Variants in KIFC3 observed in about 807,000 individuals in gnomAD.
KIFC3 encodes the protein kinesin-like protein KIFC3.
Under a neutral mutation model 101.8 loss-of-function variants are expected in KIFC3, and 60 were observed. The ratio of observed to expected loss-of-function variants is 0.59; its 90% confidence interval spans 0.48 to 0.73. KIFC3 has a LOEUF of 0.73. Ranked by LOEUF, KIFC3 falls within the 30% of genes least tolerant of loss-of-function variation. The pLI, the probability that KIFC3 is intolerant of heterozygous loss-of-function variation, is 0.00. For synonymous variants in KIFC3, 476 were observed against 482.7 expected (o/e 0.99, Z 0.18); for missense variants, 966 against 1,137.1 (o/e 0.85, Z 2.16).
At chr16:57,817,978 A>G (rs2055267059) in intron 1 of KIFC3, among the ~76,000 whole-genome samples, 1 of 151,700 alleles carries the variant, frequency 6.6e-6, no homozygotes, top group South Asian at 2.1e-4. Flanking sequence ...ATCACTTACA[A>G]AGCTTCTCCT....
intron 1 of KIFC3, among the ~76,000 whole-genome samples, chr16:57,833,887 G>C: frequency 2.4e-5 from 1 of 42,236 alleles, no homozygotes; most frequent in East Asian, 8.1e-4. Flanking sequence ...TTTTTTTTTT[G>C]AGTCTGAGTC....
intron 1 of KIFC3, among the ~76,000 whole-genome samples, chr16:57,861,856 C>T (rs773774945): frequency 1.3e-5 from 2 of 151,966 alleles, no homozygotes; most frequent in Non-Finnish European, 2.9e-5. Flanking sequence ...GGCTGTGGCA[C>T]GAGAATCACT....
intron 1 of KIFC3, among the ~76,000 whole-genome samples, chr16:57,839,456 C>T (rs534910089): frequency 6.6e-6 from 1 of 152,222 alleles, no homozygotes; most frequent in Non-Finnish European, 1.5e-5. Flanking sequence ...GGGAGGATCA[C>T]TTGGGATTGG....
At chr16:57,786,976 AGAGCTGGAGCTGGGCATCCCCG>A (rs1205487355) in intron 3 of KIFC3, among the ~76,000 whole-genome samples, 1 of 152,226 alleles carries the variant, frequency 6.6e-6, no homozygotes, top group Non-Finnish European at 1.5e-5. Flanking sequence ...AGCACTCCAG[AGAGCTGGAGCTGGGCATCCCCG>A]GTTGGGTGGT....
At position 57,847,247 on chromosome 16, in the gene KIFC3, GAAGGAAGGAAGGAAGGAAGGA is replaced by G. The variant is rs1314741632; in HGVS notation, c.108+15461_108+15481del. Among the ~76,000 whole-genome samples, 83 of 104,406 alleles carry G rather than the reference GAAGGAAGGAAGGAAGGAAGGA, an allele frequency of 7.9e-4. 1 individual carries two copies. Among genetic ancestry groups the G allele is most frequent in the Middle Eastern group, 4.1e-3 (1 of 242 alleles). 68.5% of individuals were successfully genotyped at this position (104,406 alleles called of 152,430 possible). On this transcript the variant is annotated intron_variant, in intron 1 of 2. Coordinates refer to the KIFC3 transcript ENST00000563028. ...GGAAGGAAGGAAGGAAGGAAGGAAG[GAAGGAAGGAAGGAAGGAAGGA>G]AGGGAAGGGAGGGAGGGAGAGAGGG...
At chr16:57,820,594 G>A (rs1280451588) in intron 1 of KIFC3, among the ~76,000 whole-genome samples, 1 of 152,178 alleles carries the variant, frequency 6.6e-6, no homozygotes, top group Non-Finnish European at 1.5e-5. Flanking sequence ...TGATCTTAGA[G>A]TTGATGGCTC....
chr16:57,764,037 C>T (rs58535973), intron 12 of KIFC3, 106 bp downstream of exon 12: 84,856 of 813,230 alleles, frequency 0.1, 5,243 homozygotes, highest in African/African-American at 0.21. Flanking sequence ...GTTGTGAGGA[C>T]CAAATGAGGC....
intron 1 of KIFC3, among the ~76,000 whole-genome samples, chr16:57,841,653 C>G (rs981194865): frequency 6.6e-6 from 1 of 151,956 alleles, no homozygotes; most frequent in Non-Finnish European, 1.5e-5. Flanking sequence ...GGGGACAGAG[C>G]GAGACTGTCT....
At chr16:57,827,600 C>T (rs927015233) in intron 1 of KIFC3, among the ~76,000 whole-genome samples, 1 of 152,304 alleles carries the variant, frequency 6.6e-6, no homozygotes, top group Non-Finnish European at 1.5e-5. Flanking sequence ...TTTTCAGGAC[C>T]ACAACCTCCC....
chr16:57,862,619 A>C (rs1161317072), intron 1 of KIFC3: 3 of 308,546 alleles, frequency 9.7e-6, no homozygotes, highest in Non-Finnish European at 2.0e-5. Context: ...TATTAGCTAC[A>C]ATCCCAATCA....
chr16:57,791,116 G>C (rs1229633532), intron 3 of KIFC3: 2 of 155,908 alleles, frequency 1.3e-5, no homozygotes, highest in East Asian at 1.9e-4. Flanking sequence ...TGTAATTGCA[G>C]ATACTTGGGA....
rs911126907 is a variant in KIFC3 at position 57,858,038 on chromosome 16, G to A, written c.108+4691C>T. On this transcript the variant is annotated intron_variant, in intron 1 of 2. Transcript: ENST00000563028. ...TCACCACGTTGGCCAGGCTGGTCTC[G>A]ATCTCCTGACCTTGTGATCCACCTG... 5.3e-5 allele frequency among the ~76,000 whole-genome samples: 8 copies of A among 151,886 alleles called. No homozygotes were observed. The East Asian group carries it at 9.7e-4, about 18-fold the overall frequency.
chr16:57,821,765 T>C (rs2055355586), intron 1 of KIFC3, among the ~76,000 whole-genome samples: 1 of 152,052 alleles, frequency 6.6e-6, no homozygotes, highest in South Asian at 2.1e-4. Flanking sequence ...AAAAAAAATT[T>C]GTGTGGGCAT....
intron 1 of KIFC3, among the ~76,000 whole-genome samples, chr16:57,862,049 A>G (rs1191207589): frequency 1.3e-5 from 2 of 152,110 alleles, no homozygotes; most frequent in African/African-American, 2.4e-5. Context: ...ATCATCAAAG[A>G]ACAAGGATGA....
chr16:57,842,311 T>C (rs1407511611), intron 1 of KIFC3, among the ~76,000 whole-genome samples: 1 of 152,240 alleles, frequency 6.6e-6, no homozygotes, highest in African/African-American at 2.4e-5. Flanking sequence ...AGAAATGTGC[T>C]TGCTGGGCCA....
intron 1 of KIFC3, among the ~76,000 whole-genome samples, chr16:57,799,842 C>G (rs782391819): frequency 1.3e-5 from 2 of 152,108 alleles, no homozygotes; most frequent in Non-Finnish European, 1.5e-5. Flanking sequence ...AGAGGTTGGT[C>G]AGTGCCCAGT....
intron 1 of KIFC3, among the ~76,000 whole-genome samples, chr16:57,814,760 G>A (rs1418299712): frequency 6.6e-6 from 1 of 152,046 alleles, no homozygotes; most frequent in Non-Finnish European, 1.5e-5. Flanking sequence ...CAAGTAGCTG[G>A]GACTACAGGC....
At chr16:57,805,992 A>G (rs782720530), upstream of KIFC3, among the ~76,000 whole-genome samples, 1 of 151,382 alleles carries the variant, frequency 6.6e-6, no homozygotes, top group Non-Finnish European at 1.5e-5. Context: ...GCCCGCCTCA[A>G]CCTCCCAAAG....
chr16:57,853,790 C>T (rs2149331385), intron 1 of KIFC3, among the ~76,000 whole-genome samples: 1 of 152,186 alleles, frequency 6.6e-6, no homozygotes, highest in East Asian at 1.9e-4. Context: ...CGCCACCATA[C>T]CCGGATAATT....
Sources: allele counts gnomAD v4.1 joint callset (sites outside exome capture counted in the v4.1 genomes callset), GRCh38; gene constraint gnomAD v4.1.1; transcripts MANE v1.5; gene names NCBI Gene and HGNC (gene_info 2026-07-23, HGNC 2026-07-21).